The following TMEM248 variants were observed in gnomAD, a reference collection of about 807,000 sequenced individuals.
TMEM248 encodes the protein transmembrane protein 248.
In TMEM248, 9 loss-of-function variants were observed where a neutral mutation model predicts 30.3. That is an observed-to-expected ratio of 0.30 (90% CI 0.18 to 0.52). The LOEUF (loss-of-function observed/expected upper bound fraction) is 0.52. TMEM248 is among the 20% of genes least tolerant of loss of function. TMEM248 has a pLI of 0.97. For missense variants in TMEM248, 338 were observed against 403.3 expected, an observed-to-expected ratio of 0.84 and a Z score of 1.39; for synonymous variants, 184 against 154.4, an observed-to-expected ratio of 1.19 and a Z score of -1.42.
intron 2 of TMEM248, among the ~76,000 whole-genome samples, chr7:66,943,834 C>G (rs992657280): frequency 6.6e-6 from 1 of 151,706 alleles, no homozygotes; most frequent in Non-Finnish European, 1.5e-5. Context: ...CTCTGACACC[C>G]AGGCTGAGGC....
chr7:66,928,950 G>C (rs118172397), intron 1 of TMEM248, among the ~76,000 whole-genome samples: 1,524 of 152,142 alleles, frequency 0.01, 14 homozygotes, highest in Middle Eastern at 0.034. Context: ...ACCACACCCA[G>C]CTAAATTTTG....
intron 4 of TMEM248, 112 bp from the exon 5 acceptor site, chr7:66,950,836 TTTTC>T (rs1792243925): frequency 1.3e-6 from 1 of 747,648 alleles, no homozygotes; most frequent in Non-Finnish European, 2.0e-6. Flanking sequence ...TAAGTTACAT[TTTTC>T]CTTTCCATGT....
intron 3 of TMEM248, among the ~76,000 whole-genome samples, chr7:66,945,598 T>A (rs1356886727): frequency 6.6e-6 from 1 of 152,232 alleles, no homozygotes; most frequent in East Asian, 1.9e-4. Flanking sequence ...TTAGTTTACA[T>A]ATTTTTTAAT....
chr7:66,941,385 A>G (rs1230578331), intron 1 of TMEM248, among the ~76,000 whole-genome samples: 1 of 147,856 alleles, frequency 6.8e-6, no homozygotes, highest in African/African-American at 2.5e-5. Flanking sequence ...TCTCAAAAAA[A>G]AAAAAAAAGA....
At chr7:66,927,391 C>T (rs996374539) in intron 1 of TMEM248, among the ~76,000 whole-genome samples, 3 of 151,600 alleles carry the variant, frequency 2.0e-5, no homozygotes, top group Admixed American at 6.6e-5. Context: ...CTAAACTACA[C>T]GTTTAGCAAC....
chr7:66,930,156 A>G (rs777615962), intron 1 of TMEM248, among the ~76,000 whole-genome samples: 1 of 152,000 alleles, frequency 6.6e-6, no homozygotes, highest in Non-Finnish European at 1.5e-5. Context: ...ACCCTGTCTC[A>G]AAAAAAAGAA....
At chr7:66,947,498 G>C (rs1249810865) in intron 3 of TMEM248, among the ~76,000 whole-genome samples, 3 of 151,988 alleles carry the variant, frequency 2.0e-5, no homozygotes, top group Admixed American at 2.0e-4. Flanking sequence ...TGTCTCCCGG[G>C]TTCAAGCGAC....
chr7:66,951,956 C>T (rs1792278998), intron 5 of TMEM248, among the ~76,000 whole-genome samples: 1 of 152,194 alleles, frequency 6.6e-6, no homozygotes, highest in South Asian at 2.1e-4. Context: ...GCCGCTGCAC[C>T]TGGCCCAAGC....
rs375482625 is a variant in TMEM248, at chr7:66,940,706, G to A, written c.-18-1142G>A. 7.2e-5 allele frequency among the ~76,000 whole-genome samples: 11 copies of A among 152,316 alleles called. No individual in the cohort carries two copies. The East Asian group carries it at 1.2e-3, about 16-fold the overall frequency. ...CTGAAAACCCTGTGGGCCATGACAG[G>A]GAGCTATTGCCGACCTCTCCTAGGT... On this transcript the variant is annotated intron_variant, in intron 1 of 6. Coordinates refer to ENST00000341567, the MANE Select transcript of TMEM248 (RefSeq NM_017994.5).
At chr7:66,931,724 C>T (rs1048263982) in intron 1 of TMEM248, among the ~76,000 whole-genome samples, 5 of 151,300 alleles carry the variant, frequency 3.3e-5, no homozygotes, top group Non-Finnish European at 7.4e-5. Context: ...GCAATCCTTC[C>T]ATCTCAGCCT....
chr7:66,937,086 G>A (rs900314498), intron 1 of TMEM248, among the ~76,000 whole-genome samples: 85 of 152,124 alleles, frequency 5.6e-4, no homozygotes, highest in African/African-American at 2.0e-3. Context: ...TGCTTTCACT[G>A]GATCCCATAG....
At chr7:66,955,445 G>A in intron 6 of TMEM248, 57 bp from the exon 7 acceptor site, 1 of 1,611,658 alleles carries the variant, frequency 6.2e-7, no homozygotes, top group Non-Finnish European at 8.5e-7. Flanking sequence ...TTGGGTAGGG[G>A]CTGAGTTACC....
intron 1 of TMEM248, among the ~76,000 whole-genome samples, chr7:66,933,657 TTTGGGA>T (rs1791724609): frequency 6.6e-6 from 1 of 152,248 alleles, no homozygotes; most frequent in African/African-American, 2.4e-5. Flanking sequence ...TAGAGATATC[TTTGGGA>T]TAATCTTGGT....
intron 6 of TMEM248, among the ~76,000 whole-genome samples, chr7:66,955,060 C>A (rs182818135): frequency 3.9e-5 from 6 of 152,270 alleles, no homozygotes; most frequent in Admixed American, 3.9e-4. Flanking sequence ...CCCACGAGTT[C>A]AAGACCAGCC....
In TMEM248 at chr7:66,954,515, A is replaced by G. The variant is rs559638221; in HGVS notation, c.925-987A>G. On this transcript the variant is annotated intron_variant, in intron 6 of 6. Coordinates refer to ENST00000341567, the MANE Select transcript of TMEM248 (RefSeq NM_017994.5). ...ACCTCCCAGGCTCAAGCGATCGTCA[A>G]CCTCCTGAGTAGCTGGGACCACAGG... Among the ~76,000 whole-genome samples, 87 of 150,176 alleles carry G rather than the reference A, an allele frequency of 5.8e-4. 2 individuals are homozygous for G. The highest frequency in any genetic ancestry group is 6.9e-3 in the Middle Eastern group (2 of 288).
chr7:66,951,147 A>G lies in TMEM248; in HGVS notation c.780+12A>G. 6.4e-7 allele frequency: 1 copy of G among 1,566,650 alleles called. No individual in the cohort carries two copies. The highest frequency in any genetic ancestry group is 8.6e-7 in the Non-Finnish European group (1 of 1,156,322). On this transcript the variant is annotated intron_variant, in intron 5 of 6. Coordinates refer to ENST00000341567, the MANE Select transcript of TMEM248 (RefSeq NM_017994.5). ...TGATTGTTCCAGATGTAAGTGAGAA[A>G]AATTGTGTGTGTGTGTGTGCGTGCA...
Position 66,932,344 on chromosome 7 carries a change from G to A in TMEM248, c.-18-9504G>A, listed in dbSNP as rs184965381. Among the ~76,000 whole-genome samples, 240 of 152,254 alleles carry A rather than the reference G, an allele frequency of 1.6e-3. 2 individuals are homozygous for A. The highest frequency in any genetic ancestry group is 5.7e-3 in the Admixed American group (87 of 15,288). On this transcript the variant is annotated intron_variant, in intron 1 of 6. Transcript: ENST00000341567. The stretch of plus-strand genomic sequence containing the variant: ...CAGTCTTTTCCTGGCCACCCTTAAG[G>A]AACTTGTGTTCTTGCAACCTGTGGG...
At chr7:66,932,392 A>T (rs1287729893) in intron 1 of TMEM248, among the ~76,000 whole-genome samples, 1 of 152,224 alleles carries the variant, frequency 6.6e-6, no homozygotes, top group African/African-American at 2.4e-5. Context: ...TTATCAGGGT[A>T]ACCTGGATAT....
intron 6 of TMEM248, among the ~76,000 whole-genome samples, chr7:66,953,918 CG>C (rs535387335): frequency 2.2e-3 from 302 of 136,998 alleles, no homozygotes; most frequent in Non-Finnish European, 3.3e-3. Flanking sequence ...TCCTCTGTAA[CG>C]TTAATCTCTA....
Sources: allele counts gnomAD v4.1 joint callset (sites outside exome capture counted in the v4.1 genomes callset), GRCh38; gene constraint gnomAD v4.1.1; transcripts MANE v1.5; gene names NCBI Gene and HGNC (gene_info 2026-07-23, HGNC 2026-07-21).